CTNNA3: variants seen among roughly 807,000 people sequenced by gnomAD.
CTNNA3 encodes the protein catenin alpha-3.
In CTNNA3, 76 loss-of-function variants were observed where a neutral mutation model predicts 95.7. The observed-to-expected ratio is 0.79, with a 90% CI of 0.66 to 0.96. CTNNA3 has a LOEUF of 0.96. Among genes scored for constraint, CTNNA3 ranks in the 40% least tolerant of loss-of-function variants. CTNNA3 has a pLI of 0.00. For synonymous variants in CTNNA3, 431 were observed against 374.4 expected, an observed-to-expected ratio of 1.15 and a Z score of -1.74; for missense variants, 1,191 against 1,089.8, an observed-to-expected ratio of 1.09 and a Z score of -1.31.
At chr10:67,148,414 G>A (rs1860937918) in intron 7 of CTNNA3, among the ~76,000 whole-genome samples, 1 of 152,260 alleles carries the variant, frequency 6.6e-6, no homozygotes, top group African/African-American at 2.4e-5. Flanking sequence ...TCTCGTAGAG[G>A]GAAGTAATAT....
chr10:66,766,243 TTA>T lies in CTNNA3; in HGVS notation c.1281+19_1281+20del. ...CCTCATTCTCCTGGACTTTAGTGAG[TTA>T]CAGTTCTAGCATGCTTACCTCTACA... On this transcript the variant is annotated intron_variant, in intron 9 of 17. Coordinates refer to ENST00000433211, the MANE Select transcript of CTNNA3 (RefSeq NM_013266.4). 6.2e-7 allele frequency: 1 copy of T among 1,610,260 alleles called. No individual in the cohort carries two copies. The highest frequency in any genetic ancestry group is 8.5e-7 in the Non-Finnish European group (1 of 1,177,252).
rs547620762 is a variant in CTNNA3, at chr10:67,521,770, A to C, written c.579+72T>G. The C allele has an allele frequency of 2.3e-5, 36 of 1,554,544 alleles. No individual in the cohort carries two copies. In the African/African-American group the frequency reaches 3.4e-4, roughly 15 times the overall value. On this transcript the variant is annotated intron_variant, in intron 5 of 17. Coordinates refer to ENST00000433211, the MANE Select transcript of CTNNA3 (RefSeq NM_013266.4). ...GATAAGTTTCCTCAGACCCACCTGC[A>C]CCTCTGACAGGCAGGATGGCAGGAA...
intron 9 of CTNNA3, among the ~76,000 whole-genome samples, chr10:66,719,642 G>C (rs186030840): frequency 5.5e-4 from 84 of 152,242 alleles, no homozygotes; most frequent in African/African-American, 1.9e-3. Flanking sequence ...GATCATCTCA[G>C]AATATACCTG....
chr10:66,365,237 G>C (rs1025011987), intron 12 of CTNNA3, among the ~76,000 whole-genome samples: 1 of 152,110 alleles, frequency 6.6e-6, no homozygotes, highest in African/African-American at 2.4e-5. Flanking sequence ...CCTTTGCAGA[G>C]ACATGGATGA....
chr10:66,624,803 C>T (rs934006984), intron 9 of CTNNA3, among the ~76,000 whole-genome samples: 2 of 152,016 alleles, frequency 1.3e-5, no homozygotes, highest in Non-Finnish European at 2.9e-5. Context: ...ATACTCAAAC[C>T]AACCAATGGC....
At chr10:66,697,863 A>G (rs1416937021) in intron 9 of CTNNA3, among the ~76,000 whole-genome samples, 1 of 152,130 alleles carries the variant, frequency 6.6e-6, no homozygotes, top group Non-Finnish European at 1.5e-5. Context: ...TTTGGTTCCA[A>G]TCGCCTCATA....
chr10:66,521,573 G>A (rs1360837746), intron 10 of CTNNA3, among the ~76,000 whole-genome samples: 1 of 152,142 alleles, frequency 6.6e-6, no homozygotes, highest in Non-Finnish European at 1.5e-5. Flanking sequence ...TAATGGTGAA[G>A]AAGGACATTC....
At chr10:67,411,942 A>AT (rs1046776346) in intron 5 of CTNNA3, among the ~76,000 whole-genome samples, 39 of 152,230 alleles carry the variant, frequency 2.6e-4, no homozygotes, top group Admixed American at 2.4e-3. Flanking sequence ...AACTTTGGTG[A>AT]TAAAAAAAAA....
chr10:65,999,093 T>A (rs10996818), intron 15 of CTNNA3, among the ~76,000 whole-genome samples: 17,397 of 152,136 alleles, frequency 0.11, 2,177 homozygotes, highest in African/African-American at 0.31. Flanking sequence ...AATAAAAAAA[T>A]CAACATTAAT....
chr10:67,399,785 T>C (rs927934897), intron 5 of CTNNA3, among the ~76,000 whole-genome samples: 1 of 152,212 alleles, frequency 6.6e-6, no homozygotes, highest in Admixed American at 6.6e-5. Flanking sequence ...ATAAGCATTA[T>C]GGTAACCAAG....
At chr10:66,033,966 G>T (rs2079504340) in intron 15 of CTNNA3, among the ~76,000 whole-genome samples, 2 of 152,116 alleles carry the variant, frequency 1.3e-5, no homozygotes, top group Admixed American at 6.6e-5. Context: ...GAGGCCTTCA[G>T]TTATGAAGAT....
chr10:67,720,689 C>T (rs1197390166), intron 1 of CTNNA3, among the ~76,000 whole-genome samples: 5 of 152,170 alleles, frequency 3.3e-5, no homozygotes, highest in Admixed American at 6.5e-5. Flanking sequence ...CATGGTGGCT[C>T]ATGCCTGTAA....
rs900018226 is a variant in CTNNA3 at position 67,718,451 on chromosome 10, T to A, written c.-2+44983A>T. On this transcript the variant is annotated intron_variant, in intron 1 of 17. Transcript: ENST00000684154. ...CAGAATGATACTGACTGTGGGTTTA[T>A]CATAAATTTACAATTTTGAGATACG... Among the ~76,000 whole-genome samples the A allele has an allele frequency of 2.0e-5, 3 of 152,114 alleles. No homozygotes were observed. The South Asian group carries it at 6.2e-4, about 31-fold the overall frequency.
intron 5 of CTNNA3, among the ~76,000 whole-genome samples, chr10:67,521,093 G>C (rs921760926): frequency 2.0e-5 from 3 of 152,096 alleles, no homozygotes; most frequent in African/African-American, 7.2e-5. Flanking sequence ...ATAAACCTTT[G>C]GTGGAAGTAA....
At chr10:67,564,653 A>T (rs963911769) in intron 3 of CTNNA3, among the ~76,000 whole-genome samples, 2 of 124,790 alleles carry the variant, frequency 1.6e-5, no homozygotes, top group Non-Finnish European at 3.3e-5. Context: ...AACTGTATAT[A>T]TATGCATATA....
rs547884613 is a variant in CTNNA3 at position 67,387,686 on chromosome 10, G to C, written c.579+134156C>G. Among the ~76,000 whole-genome samples the C allele has an allele frequency of 8.2e-4, 125 of 152,308 alleles. 1 individual carries two copies. The highest frequency in any genetic ancestry group is 2.9e-3 in the African/African-American group (121 of 41,574). On this transcript the variant is annotated intron_variant, in intron 5 of 17. Coordinates refer to ENST00000433211, the MANE Select transcript of CTNNA3 (RefSeq NM_013266.4). Reference sequence around the variant, plus strand: ...TCTGACAGCTTTGAAGAGAGCAGTGGTTCTCCCAGCACGCAGCTGGAGATC... The same window carrying C: ...TCTGACAGCTTTGAAGAGAGCAGTGCTTCTCCCAGCACGCAGCTGGAGATC...
intron 7 of CTNNA3, among the ~76,000 whole-genome samples, chr10:66,968,696 G>A (rs1284855786): frequency 6.6e-6 from 1 of 152,012 alleles, no homozygotes; most frequent in Admixed American, 6.6e-5. Flanking sequence ...GAGTCTTAAA[G>A]TTACATTTTT....
At chr10:67,126,388 G>A (rs754563384) in intron 7 of CTNNA3, among the ~76,000 whole-genome samples, 4 of 151,696 alleles carry the variant, frequency 2.6e-5, no homozygotes, top group Non-Finnish European at 5.9e-5. Context: ...TCAGCTGGGC[G>A]TGGCGGCGCG....
intron 5 of CTNNA3, among the ~76,000 whole-genome samples, chr10:67,367,162 G>A (rs1843246885): frequency 6.6e-6 from 1 of 152,106 alleles, no homozygotes. Context: ...CAGAGTTGGT[G>A]ATAATATTCA....
Sources: allele counts gnomAD v4.1 joint callset (sites outside exome capture counted in the v4.1 genomes callset), GRCh38; gene constraint gnomAD v4.1.1; transcripts MANE v1.5; gene names NCBI Gene and HGNC (gene_info 2026-07-23, HGNC 2026-07-21).